The following NALF1 variants were observed in gnomAD, a reference collection of about 807,000 sequenced individuals.
NALF1 encodes family with sequence similarity 155 member A.
Under a neutral mutation model 48.4 loss-of-function variants are expected in NALF1, and 3 were observed. That is an observed-to-expected ratio of 0.06 (90% CI 0.03 to 0.16). NALF1 has a LOEUF of 0.16. NALF1 is among the 10% of genes least tolerant of loss of function. NALF1 has a pLI of 1.00. For missense variants in NALF1, 526 were observed against 571.5 expected (o/e 0.92, Z 0.81); for synonymous variants, 262 against 245.7 (o/e 1.07, Z -0.62).
At chr13:107,497,614 A>G (rs1479228585) in intron 1 of NALF1, among the ~76,000 whole-genome samples, 7 of 152,192 alleles carry the variant, frequency 4.6e-5, no homozygotes, top group African/African-American at 1.7e-4. Context: ...CTATCAATAA[A>G]GGCTTTTTAA....
At chr13:107,428,256 T>C (rs1884313980) in intron 1 of NALF1, among the ~76,000 whole-genome samples, 1 of 152,162 alleles carries the variant, frequency 6.6e-6, no homozygotes. Context: ...TATTGTCCCA[T>C]TTTAGAGATA....
rs573215083 is a variant in NALF1 at position 107,809,122 on chromosome 13, T to C, written c.915+56560A>G. Among the ~76,000 whole-genome samples, 49 of 151,962 alleles carry C rather than the reference T, an allele frequency of 3.2e-4. No individual in the cohort carries two copies. The South Asian group carries it at 5.4e-3, about 17-fold the overall frequency. ...TCAATTTTAAATAAGGTGCAGAGTTTCAGATATGGAGTTTGGGGATTCAGC... is the reference window on the plus strand; with the variant it reads ...TCAATTTTAAATAAGGTGCAGAGTTCCAGATATGGAGTTTGGGGATTCAGC... On this transcript the variant is annotated intron_variant, in intron 1 of 2. Transcript: ENST00000375915.
chr13:107,561,448 C>T (rs896720574), intron 1 of NALF1, among the ~76,000 whole-genome samples: 1 of 152,120 alleles, frequency 6.6e-6, no homozygotes, highest in African/African-American at 2.4e-5. Context: ...ATGTTCCCCA[C>T]CAGAATAACA....
intron 1 of NALF1, among the ~76,000 whole-genome samples, chr13:107,636,842 TTTAA>T (rs1156587326): frequency 3.3e-5 from 5 of 150,264 alleles, no homozygotes; most frequent in African/African-American, 1.2e-4. Flanking sequence ...GATCCATTGA[TTTAA>T]TTTTGTTGTC....
intron 1 of NALF1, among the ~76,000 whole-genome samples, chr13:107,221,346 G>A (rs1170407131): frequency 6.6e-6 from 1 of 152,168 alleles, no homozygotes; most frequent in African/African-American, 2.4e-5. Context: ...GGGAGGCCGA[G>A]GTGGGTGGAG....
intron 1 of NALF1, among the ~76,000 whole-genome samples, chr13:107,756,036 C>T (rs1433639479): frequency 6.6e-6 from 1 of 152,120 alleles, no homozygotes; most frequent in Non-Finnish European, 1.5e-5. Flanking sequence ...TGAGGTCTTG[C>T]TTCCTAGGTT....
At chr13:107,712,134 C>A (rs1312676354) in intron 1 of NALF1, among the ~76,000 whole-genome samples, 1 of 151,970 alleles carries the variant, frequency 6.6e-6, no homozygotes, top group Non-Finnish European at 1.5e-5. Context: ...TTTAATCCTA[C>A]AATACACACA....
chr13:107,570,541 C>T (rs1877954250), intron 1 of NALF1, among the ~76,000 whole-genome samples: 1 of 149,256 alleles, frequency 6.7e-6, no homozygotes, highest in African/African-American at 2.4e-5. Context: ...ATCCCACGTG[C>T]TCCATATTTA....
chr13:107,858,914 T>C (rs1309496234), intron 1 of NALF1, among the ~76,000 whole-genome samples: 2 of 152,248 alleles, frequency 1.3e-5, no homozygotes, highest in South Asian at 2.1e-4. Flanking sequence ...AGTCATTTTC[T>C]GTAAGAGTTA....
chr13:107,303,841 C>G (rs929267686), intron 1 of NALF1, among the ~76,000 whole-genome samples: 1 of 151,960 alleles, frequency 6.6e-6, no homozygotes, highest in Non-Finnish European at 1.5e-5. Flanking sequence ...AGGAGATATT[C>G]AACTAGTTGA....
chr13:107,598,370 T>G (rs1878817113), intron 1 of NALF1, among the ~76,000 whole-genome samples: 1 of 152,214 alleles, frequency 6.6e-6, no homozygotes, highest in Non-Finnish European at 1.5e-5. Context: ...TATGCTCATG[T>G]TTTTAAGTAA....
intron 1 of NALF1, among the ~76,000 whole-genome samples, chr13:107,830,553 C>A (rs1446134985): frequency 6.6e-6 from 1 of 152,200 alleles, no homozygotes; most frequent in African/African-American, 2.4e-5. Flanking sequence ...CACATCTTTT[C>A]ATGTCTTTTG....
At chr13:107,373,737 T>G (rs1883288408) in intron 1 of NALF1, among the ~76,000 whole-genome samples, 1 of 152,200 alleles carries the variant, frequency 6.6e-6, no homozygotes, top group African/African-American at 2.4e-5. Flanking sequence ...CTTTCTTTCC[T>G]TTTTGTTTTC....
chr13:107,462,418 T>C (rs1229799087), intron 1 of NALF1, among the ~76,000 whole-genome samples: 2 of 152,226 alleles, frequency 1.3e-5, no homozygotes, highest in African/African-American at 4.8e-5. Flanking sequence ...AGAAGTTACA[T>C]AAGTGCATTT....
At chr13:107,431,858 A>G (rs1006056200) in intron 1 of NALF1, among the ~76,000 whole-genome samples, 1 of 152,188 alleles carries the variant, frequency 6.6e-6, no homozygotes, top group Non-Finnish European at 1.5e-5. Flanking sequence ...CTAGAATGGC[A>G]GTAATTATAT....
At chr13:107,642,775 A>G (rs976767434) in intron 1 of NALF1, among the ~76,000 whole-genome samples, 1 of 152,204 alleles carries the variant, frequency 6.6e-6, no homozygotes, top group African/African-American at 2.4e-5. Flanking sequence ...ACATAGCTAT[A>G]GCACATTGTT....
At chr13:107,662,106 C>T (rs970448757) in intron 1 of NALF1, among the ~76,000 whole-genome samples, 5 of 152,300 alleles carry the variant, frequency 3.3e-5, no homozygotes, top group East Asian at 1.9e-4. Context: ...TCAAATCCTT[C>T]CTCTTGCCAT....
At chr13:107,313,083 G>A (rs1010625207) in intron 1 of NALF1, among the ~76,000 whole-genome samples, 1 of 151,966 alleles carries the variant, frequency 6.6e-6, no homozygotes, top group Admixed American at 6.6e-5. Flanking sequence ...TTAAAAAACA[G>A]AATACTTGGA....
intron 1 of NALF1, among the ~76,000 whole-genome samples, chr13:107,342,518 A>AGTGG (rs1241060502): frequency 6.6e-6 from 1 of 152,050 alleles, no homozygotes; most frequent in East Asian, 1.9e-4. Context: ...GCAGAGAAGA[A>AGTGG]GTGGCAGAAC....
Sources: allele counts gnomAD v4.1 joint callset (sites outside exome capture counted in the v4.1 genomes callset), GRCh38; gene constraint gnomAD v4.1.1; transcripts MANE v1.5; gene names NCBI Gene and HGNC (gene_info 2026-07-23, HGNC 2026-07-21).